Variants in IQUB observed in about 807,000 individuals in gnomAD.
IQUB encodes the protein IQ motif and ubiquitin-like domain-containing protein.
A neutral mutation model predicts 86.4 loss-of-function variants in IQUB; 86 were observed. That is an observed-to-expected ratio of 1.00 (90% CI 0.84 to 1.19). The LOEUF (loss-of-function observed/expected upper bound fraction) is 1.19. Ranked by LOEUF, IQUB falls within the 50% of genes most tolerant of loss-of-function variation. The probability of loss-of-function intolerance (pLI) is 0.00; values close to 1 mark genes in which losing one functional copy is unlikely to be tolerated. For missense variants in IQUB, 946 were observed against 916.9 expected, an observed-to-expected ratio of 1.03 and a Z score of -0.41; for synonymous variants, 289 against 304.5, an observed-to-expected ratio of 0.95 and a Z score of 0.53.
At chr7:123,462,852 A>AAAT (rs769419218) in intron 10 of IQUB, 6 of 455,356 alleles carry the variant, frequency 1.3e-5, no homozygotes, top group East Asian at 7.0e-5. Flanking sequence ...TGCAAGAAAA[A>AAAT]AATAACTCAT....
intron 1 of IQUB, among the ~76,000 whole-genome samples, chr7:123,522,628 T>C (rs1295447517): frequency 1.3e-5 from 2 of 152,164 alleles, no homozygotes; most frequent in African/African-American, 4.8e-5. Context: ...AATTTCCAAA[T>C]GGCTAATGAT....
chr7:123,492,246 T>C (rs1028295602), intron 7 of IQUB, among the ~76,000 whole-genome samples: 1 of 152,192 alleles, frequency 6.6e-6, no homozygotes, highest in East Asian at 1.9e-4. Context: ...TTAACAAAGA[T>C]ACAAAGGCAA....
intron 9 of IQUB, among the ~76,000 whole-genome samples, chr7:123,467,368 G>A: frequency 6.6e-6 from 1 of 152,012 alleles, no homozygotes; most frequent in South Asian, 2.1e-4. Context: ...TCTCCACTGA[G>A]CTTCTCTCCG....
At chr7:123,516,045 G>A (rs1182828918) in intron 1 of IQUB, among the ~76,000 whole-genome samples, 1 of 152,152 alleles carries the variant, frequency 6.6e-6, no homozygotes, top group East Asian at 1.9e-4. Flanking sequence ...GCAGACTAAA[G>A]AGGGCAAATT....
At chr7:123,472,163 A>G (rs1270766958) in intron 8 of IQUB, among the ~76,000 whole-genome samples, 1 of 151,866 alleles carries the variant, frequency 6.6e-6, no homozygotes, top group Non-Finnish European at 1.5e-5. Flanking sequence ...GCTTCAACCC[A>G]GGAGGTGGAA....
At chr7:123,521,541 G>C (rs980071796) in intron 1 of IQUB, among the ~76,000 whole-genome samples, 2 of 151,998 alleles carry the variant, frequency 1.3e-5, no homozygotes, top group African/African-American at 4.8e-5. Flanking sequence ...TAATTACTCA[G>C]GAGGCTGAGG....
chr7:123,510,269 A>T (rs1038696819), intron 2 of IQUB, among the ~76,000 whole-genome samples: 2 of 152,130 alleles, frequency 1.3e-5, no homozygotes, highest in African/African-American at 4.8e-5. Context: ...CTCAAAAATT[A>T]GCTCTAATGT....
In IQUB at chr7:123,512,050, C is replaced by A. The variant is rs1796439569; in HGVS notation, c.291G>T (p.Lys97Asn). ...QVSYTPQHHE[K>N]QYAMQRPNDD... is the part of the protein sequence containing the mutation. The stretch of plus-strand genomic sequence containing the variant: ...CATTTGGCCTCTGCATTGCATATTG[C>A]TTTTCATGATGTTGCGGAGTATATG... The change falls in exon 2 of 13, where the codon AAG becomes AAT. Residue 97 changes from lysine (K) to asparagine (N), a missense_variant. Transcript: ENST00000324698. 6.2e-7 allele frequency: 1 copy of A among 1,613,788 alleles called. No individual in the cohort carries two copies. The highest frequency in any genetic ancestry group is 8.5e-7 in the Non-Finnish European group (1 of 1,179,836).
chr7:123,495,111 A>T (rs1197743065), intron 7 of IQUB, among the ~76,000 whole-genome samples: 1 of 152,130 alleles, frequency 6.6e-6, no homozygotes. Context: ...CTGACAGAAA[A>T]AATGGAAGTA....
intron 8 of IQUB, among the ~76,000 whole-genome samples, chr7:123,472,430 G>C (rs769575575): frequency 1.5e-4 from 23 of 152,062 alleles, no homozygotes; most frequent in Non-Finnish European, 1.9e-4. Context: ...CTGGTTTCAA[G>C]AACTCTCAAA....
At chr7:123,458,476 T>G (rs1287682699) in intron 11 of IQUB, among the ~76,000 whole-genome samples, 1 of 151,994 alleles carries the variant, frequency 6.6e-6, no homozygotes, top group Non-Finnish European at 1.5e-5. Context: ...TAATTCAATA[T>G]ATTAAGCTCA....
rs752276148 is a variant in IQUB, at chr7:123,479,802, A to C, written c.1403T>G (p.Leu468Trp). Residue 468 changes from leucine to tryptophan, a missense_variant, in exon 8 of 13, where the codon TTG (leucine) becomes TGG (tryptophan). By Grantham distance (61) the Leu-to-Trp change is moderately conservative. Transcript: ENST00000324698. ...AGTAGTCACTTCACTAACCTTATCC[A>C]AAAAAGCTTGTATTGCTGCTTCCTG... is the stretch of plus-strand genomic sequence containing the variant. ...ANQEAAIQAF[L>W]DKCSAPKIWR... The C allele has an allele frequency of 1.9e-6, 3 of 1,609,658 alleles. No homozygotes were observed. The Admixed American group carries it at 5.0e-5, about 27-fold the overall frequency.
At chr7:123,533,106 G>A (rs528208814) in intron 1 of IQUB, among the ~76,000 whole-genome samples, 4 of 152,210 alleles carry the variant, frequency 2.6e-5, no homozygotes, top group African/African-American at 9.6e-5. Flanking sequence ...GGCGACATGG[G>A]AAGTCCGCCG....
At chr7:123,504,851 A>C (rs1376529108) in intron 3 of IQUB, among the ~76,000 whole-genome samples, 3 of 152,164 alleles carry the variant, frequency 2.0e-5, no homozygotes, top group African/African-American at 7.2e-5. Flanking sequence ...CAGTCCCCCA[A>C]GTATTAACTC....
Position 123,457,418 on chromosome 7 carries a change from T to C in IQUB, c.2156A>G (p.Glu719Gly), listed in dbSNP as rs757934401. Residue 719 changes from glutamate to glycine, a missense_variant, in exon 12 of 13, where the codon GAA becomes GGA. Transcript: ENST00000324698. Reference protein sequence around the residue: ...PWNCILLTKDEAAAHLKLTSI... With the variant: ...PWNCILLTKDGAAAHLKLTSI... ...TGTTAGCTTGAGATGAGCAGCTGCTTCATCTTTGGTAAGAAGAATGCAGTT... is the reference window on the plus strand; with the variant it reads ...TGTTAGCTTGAGATGAGCAGCTGCTCCATCTTTGGTAAGAAGAATGCAGTT... 14 of 1,612,290 alleles carry C rather than the reference T, an allele frequency of 8.7e-6. No individual in the cohort carries two copies. The highest frequency in any genetic ancestry group is 3.3e-4 in the Middle Eastern group (2 of 6,068).
intron 1 of IQUB, among the ~76,000 whole-genome samples, chr7:123,515,806 T>G (rs868673214): frequency 6.6e-6 from 1 of 152,208 alleles, no homozygotes; most frequent in Non-Finnish European, 1.5e-5. Flanking sequence ...ACAACATGGA[T>G]GAAACTCAAA....
At chr7:123,510,646 A>T (rs1796375401) in intron 2 of IQUB, among the ~76,000 whole-genome samples, 1 of 152,120 alleles carries the variant, frequency 6.6e-6, no homozygotes, top group Non-Finnish European at 1.5e-5. Flanking sequence ...TAGAATAAAG[A>T]CTGTGGATCA....
In IQUB at chr7:123,512,264, G is replaced by A; in HGVS notation, c.77C>T (p.Thr26Ile). 6.2e-7 allele frequency: 1 copy of A among 1,611,578 alleles called. No homozygotes were observed. Among genetic ancestry groups the A allele is most frequent in the Non-Finnish European group, 8.5e-7 (1 of 1,177,860 alleles). ...STEESDDAFD[T>I]VTIPVPSEEP... is the part of the protein sequence containing the mutation. ...TTCTGAGGGAACTGGAATAGTGACA[G>A]TATCAAAAGCATCATCACTCTCTTC... Residue 26 changes from threonine (T) to isoleucine (I), a missense_variant, in exon 2 of 13, where the codon ACT becomes ATT. Physicochemically the swap from Thr to Ile is moderately conservative, Grantham distance 89. Transcript: ENST00000324698.
chr7:123,462,002 A>G (rs1017046039), intron 10 of IQUB, among the ~76,000 whole-genome samples: 1 of 151,800 alleles, frequency 6.6e-6, no homozygotes, highest in Non-Finnish European at 1.5e-5. Context: ...AAACCCACTA[A>G]CCCAATTGTT....
Sources: allele counts gnomAD v4.1 joint callset (sites outside exome capture counted in the v4.1 genomes callset), GRCh38; gene constraint gnomAD v4.1.1; transcripts MANE v1.5; gene names NCBI Gene and HGNC (gene_info 2026-07-23, HGNC 2026-07-21).